Variants in PHYHIPL observed in about 807,000 individuals in gnomAD.
PHYHIPL encodes the protein phytanoyl-CoA 2-hydroxylase interacting protein like, also known as phytanoyl-CoA hydroxylase-interacting protein-like.
In PHYHIPL, 9 loss-of-function variants were observed where a neutral mutation model predicts 33.4. That is an observed-to-expected ratio of 0.27 (90% CI 0.16 to 0.47). PHYHIPL has a LOEUF of 0.47. PHYHIPL is among the 20% of genes least tolerant of loss of function. The pLI is 0.99. For missense variants in PHYHIPL, 365 were observed against 460.7 expected (o/e 0.79, Z 1.90); for synonymous variants, 153 against 154.1 (o/e 0.99, Z 0.05).
chr10:59,211,175 C>A (rs1234208695), intron 1 of PHYHIPL, among the ~76,000 whole-genome samples: 1 of 151,942 alleles, frequency 6.6e-6, no homozygotes, highest in Non-Finnish European at 1.5e-5. Flanking sequence ...GAATTTGAGA[C>A]CAGCCTGGGG....
intron 1 of PHYHIPL, among the ~76,000 whole-genome samples, chr10:59,229,169 T>G (rs935357795): frequency 6.6e-6 from 1 of 152,206 alleles, no homozygotes; most frequent in Non-Finnish European, 1.5e-5. Context: ...CTTTTTTTAC[T>G]GATTTATCTT....
intron 1 of PHYHIPL, among the ~76,000 whole-genome samples, chr10:59,206,030 G>T (rs546057539): frequency 6.6e-6 from 1 of 152,254 alleles, no homozygotes; most frequent in South Asian, 2.1e-4. Flanking sequence ...ATTAATTCTA[G>T]TAATTAAACT....
At chr10:59,203,607 G>A (rs549871717) in intron 1 of PHYHIPL, among the ~76,000 whole-genome samples, 2 of 152,102 alleles carry the variant, frequency 1.3e-5, no homozygotes, top group Non-Finnish European at 2.9e-5. Flanking sequence ...ATGAGTTCAT[G>A]TCCTTTGTAG....
At chr10:59,184,182 A>G (rs1838500060) in intron 1 of PHYHIPL, among the ~76,000 whole-genome samples, 1 of 152,198 alleles carries the variant, frequency 6.6e-6, no homozygotes, top group Admixed American at 6.5e-5. Context: ...GGCAAAATCC[A>G]TAAGCCTGCT....
At chr10:59,213,967 A>G (rs142218029) in intron 1 of PHYHIPL, among the ~76,000 whole-genome samples, 24 of 151,990 alleles carry the variant, frequency 1.6e-4, no homozygotes, top group African/African-American at 5.8e-4. Flanking sequence ...GCCACTAGAA[A>G]CTCCTTCTAT....
chr10:59,182,428 C>T (rs903092481), intron 1 of PHYHIPL, among the ~76,000 whole-genome samples: 20 of 152,074 alleles, frequency 1.3e-4, no homozygotes, highest in South Asian at 2.1e-4. Context: ...CTGCAACCTC[C>T]GCCTTCTGGT....
chr10:59,246,122 A>G lies in PHYHIPL; in HGVS notation c.*531A>G, dbSNP rs1840679634. 6.5e-6 allele frequency: 1 copy of G among 152,806 alleles called. No homozygotes were observed. The highest frequency in any genetic ancestry group is 6.5e-5 in the Admixed American group (1 of 15,290). The allele number at this position is 152,806 out of a possible 1,614,324, so 9.5% of individuals were successfully genotyped here. A position where few individuals can be genotyped will look rare whatever the true frequency, so the allele number is the denominator to read the frequency against. ...TAACAGGAAACAACTACTGTGTTTC[A>G]ACATAATAAATATAATAGAAAAATA... is the stretch of plus-strand genomic sequence containing the variant. On this transcript the variant is annotated 3_prime_UTR_variant, in exon 5 of 5. Coordinates refer to ENST00000373880, the MANE Select transcript of PHYHIPL (RefSeq NM_032439.4).
chr10:59,236,149 T>G (rs1470134596), intron 2 of PHYHIPL, among the ~76,000 whole-genome samples: 1 of 151,934 alleles, frequency 6.6e-6, no homozygotes, highest in Non-Finnish European at 1.5e-5. Context: ...CTGTATGACC[T>G]CGAACTTGTC....
intron 1 of PHYHIPL, among the ~76,000 whole-genome samples, chr10:59,215,800 GTAAAGCA>G (rs925760552): frequency 4.0e-5 from 6 of 150,394 alleles, no homozygotes; most frequent in African/African-American, 9.8e-5. Context: ...AAAACTAGAG[GTAAAGCA>G]TTATAAGACA....
chr10:59,219,709 A>G (rs1420001959), intron 1 of PHYHIPL, among the ~76,000 whole-genome samples: 2 of 152,202 alleles, frequency 1.3e-5, no homozygotes, highest in Admixed American at 1.3e-4. Context: ...TACTCAGTAC[A>G]TTAGGTGAAC....
chr10:59,206,575 T>A (rs1839290394), intron 1 of PHYHIPL, among the ~76,000 whole-genome samples: 1 of 151,592 alleles, frequency 6.6e-6, no homozygotes, highest in African/African-American at 2.4e-5. Flanking sequence ...AATTGCCTAG[T>A]TCTGGAAGTC....
At chr10:59,184,231 A>G (rs1005812342) in intron 1 of PHYHIPL, among the ~76,000 whole-genome samples, 2 of 152,308 alleles carry the variant, frequency 1.3e-5, no homozygotes, top group African/African-American at 4.8e-5. Context: ...GAATACAGCC[A>G]TACTCATTTG....
rs10530291 is a variant in PHYHIPL at position 59,227,975 on chromosome 10, G to GAGATATATATATATATATATATATATAT, written c.107-6328_107-6327insGATATATATATATATATATATATATATA. On this transcript the variant is annotated intron_variant, in intron 1 of 4. Transcript: ENST00000373880. ...TAAGATTTTAATTTTTGCCTATTGA[G>GAGATATATATATATATATATATATATAT]ATATATATATATGTTTTAAATAACA... is the stretch of plus-strand genomic sequence containing the variant. Among the ~76,000 whole-genome samples, 927 of 145,430 alleles carry GAGATATATATATATATATATATATATAT rather than the reference G, an allele frequency of 6.4e-3. 4 individuals carry two copies. Among genetic ancestry groups the GAGATATATATATATATATATATATATAT allele is most frequent in the South Asian group, 0.017 (76 of 4,516 alleles).
chr10:59,206,032 A>T (rs1281647733), intron 1 of PHYHIPL, among the ~76,000 whole-genome samples: 1 of 152,170 alleles, frequency 6.6e-6, no homozygotes, highest in Non-Finnish European at 1.5e-5. Context: ...TAATTCTAGT[A>T]ATTAAACTCT....
At chr10:59,192,779 C>T (rs1223870729) in intron 1 of PHYHIPL, among the ~76,000 whole-genome samples, 1 of 151,956 alleles carries the variant, frequency 6.6e-6, no homozygotes, top group Non-Finnish European at 1.5e-5. Flanking sequence ...ACTAAATTTG[C>T]TAGATTTGGA....
Position 59,176,925 on chromosome 10 carries a change from C to T in PHYHIPL, c.72C>T (p.Leu24=). ...CCTGTGAGGAGGTGATCAAAAACCT[C>T]AGCCTGGAGGCCATTCAGCTGTGCG... ...TSPCEEVIKN[L]SLEAIQLCDR... The change falls in exon 1 of 5, where the codon CTC becomes CTT. Residue 24 remains leucine, a synonymous_variant. Coordinates refer to ENST00000373880, the MANE Select transcript of PHYHIPL (RefSeq NM_032439.4). The T allele has an allele frequency of 6.2e-7, 1 of 1,613,738 alleles. No individual in the cohort carries two copies. Among genetic ancestry groups the T allele is most frequent in the Non-Finnish European group, 8.5e-7 (1 of 1,179,838 alleles).
intron 1 of PHYHIPL, among the ~76,000 whole-genome samples, chr10:59,204,034 G>T (rs1309227797): frequency 6.6e-6 from 1 of 152,056 alleles, no homozygotes; most frequent in Non-Finnish European, 1.5e-5. Flanking sequence ...TGTTGTTACG[G>T]GAATTTACAT....
chr10:59,205,626 A>G (rs754452006), intron 1 of PHYHIPL, among the ~76,000 whole-genome samples: 3 of 152,156 alleles, frequency 2.0e-5, no homozygotes, highest in East Asian at 1.9e-4. Flanking sequence ...TGTGTAACCT[A>G]TGTTCATCAT....
intron 1 of PHYHIPL, chr10:59,219,304 C>T (rs1424233783): frequency 3.8e-5 from 30 of 795,074 alleles, no homozygotes; most frequent in East Asian, 1.3e-4. Flanking sequence ...ATATTCTTTA[C>T]GTAGTTTGAT....
Sources: allele counts gnomAD v4.1 joint callset (sites outside exome capture counted in the v4.1 genomes callset), GRCh38; gene constraint gnomAD v4.1.1; transcripts MANE v1.5; gene names NCBI Gene and HGNC (gene_info 2026-07-23, HGNC 2026-07-21).